Variants in SLC9A2 observed in about 807,000 individuals in gnomAD.
SLC9A2 encodes sodium/hydrogen exchanger 2.
Under a neutral mutation model 71.7 loss-of-function variants are expected in SLC9A2, and 42 were observed. That is an observed-to-expected ratio of 0.59 (90% CI 0.46 to 0.76). The LOEUF is 0.76. Among genes scored for constraint, SLC9A2 ranks in the 30% least tolerant of loss-of-function variants. The pLI, the probability that SLC9A2 is intolerant of heterozygous loss-of-function variation, is 0.00. For synonymous variants in SLC9A2, 396 were observed against 392.5 expected (o/e 1.01, Z -0.10); for missense variants, 829 against 1,017.4 (o/e 0.81, Z 2.52).
chr2:102,672,162 A>G (rs1321614199), intron 3 of SLC9A2, among the ~76,000 whole-genome samples: 4 of 152,280 alleles, frequency 2.6e-5, no homozygotes, highest in Admixed American at 2.6e-4. Context: ...GATTTTTAAG[A>G]CTGAGTAGGA....
intron 5 of SLC9A2, among the ~76,000 whole-genome samples, chr2:102,691,606 C>T (rs1274779628): frequency 1.3e-5 from 2 of 152,082 alleles, no homozygotes; most frequent in Admixed American, 6.5e-5. Context: ...TCTTATTGAG[C>T]ATGATATGAC....
At chr2:102,664,454 CA>C (rs1677099051) in intron 2 of SLC9A2, among the ~76,000 whole-genome samples, 1 of 151,390 alleles carries the variant, frequency 6.6e-6, no homozygotes, top group African/African-American at 2.4e-5. Flanking sequence ...TGCACACACA[CA>C]CACACACACA....
intron 3 of SLC9A2, among the ~76,000 whole-genome samples, chr2:102,682,014 G>A (rs1677461169): frequency 1.3e-5 from 2 of 152,164 alleles, no homozygotes; most frequent in African/African-American, 4.8e-5. Flanking sequence ...ACCACATGAT[G>A]GGAGTAGAGG....
intron 3 of SLC9A2, among the ~76,000 whole-genome samples, chr2:102,678,969 C>T (rs1286599045): frequency 6.6e-6 from 1 of 152,150 alleles, no homozygotes; most frequent in African/African-American, 2.4e-5. Flanking sequence ...GGTGGTTTGA[C>T]TTCAGGTCAG....
intron 9 of SLC9A2, among the ~76,000 whole-genome samples, chr2:102,704,312 AAAAAAAAGAAAAAT>A (rs1373528175): frequency 6.6e-6 from 1 of 151,342 alleles, no homozygotes; most frequent in Non-Finnish European, 1.5e-5. Flanking sequence ...CCCCAACTCT[AAAAAAAAGAAAAAT>A]AAAAAAACAC....
In SLC9A2 at chr2:102,709,545, T is replaced by C. The variant is rs1311345019; in HGVS notation, c.*1056T>C. On this transcript the variant is annotated 3_prime_UTR_variant, in exon 12 of 12. Transcript: ENST00000233969. ...ACACAATATTCTAACATTGCACAAG[T>C]TGATGAGATATCAAGTTTTGAATAT... 3 of 152,754 alleles carry C rather than the reference T, an allele frequency of 2.0e-5. No individual in the cohort carries two copies. Among genetic ancestry groups the C allele is most frequent in the Non-Finnish European group, 2.9e-5 (2 of 68,036 alleles). The allele number at this position is 152,754 out of a possible 1,614,324, so 9.5% of individuals were successfully genotyped here.
chr2:102,707,894 A>G lies in SLC9A2; in HGVS notation c.2069-225A>G, dbSNP rs150207634. ...CTTAGGACAGTGCCTGGCACACAGT[A>G]AGTTCTTCAAAGTTAGCATGAATAT... On this transcript the variant is annotated intron_variant, in intron 11 of 11. Transcript: ENST00000233969. Among the ~76,000 whole-genome samples the G allele has an allele frequency of 5.0e-3, 767 of 152,324 alleles. 2 individuals are homozygous for G. Among genetic ancestry groups the G allele is most frequent in the Admixed American group, 7.7e-3 (118 of 15,304 alleles).
intron 1 of SLC9A2, among the ~76,000 whole-genome samples, chr2:102,646,768 A>AT (rs1676731084): frequency 2.6e-4 from 35 of 132,976 alleles, no homozygotes; most frequent in African/African-American, 9.0e-4. Context: ...AACGATCCTA[A>AT]ATATATATAT....
chr2:102,668,466 A>G (rs1322208963), intron 3 of SLC9A2, among the ~76,000 whole-genome samples: 4 of 152,218 alleles, frequency 2.6e-5, no homozygotes, highest in Non-Finnish European at 5.9e-5. Flanking sequence ...GCATATCTAC[A>G]CACACGCCTT....
rs542188014 is a variant in SLC9A2 at position 102,708,586 on chromosome 2, C to T, written c.*97C>T. The T allele has an allele frequency of 1.4e-6, 2 of 1,391,594 alleles. No homozygotes were observed. Among genetic ancestry groups the T allele is most frequent in the Non-Finnish European group, 2.0e-6 (2 of 1,020,844 alleles). 86.2% of individuals were successfully genotyped at this position (1,391,594 alleles called of 1,614,324 possible). A position where few individuals can be genotyped will look rare whatever the true frequency, so the allele number is the denominator to read the frequency against. Reference sequence around the variant, plus strand: ...AACAGTGGAATCCATGTAAAACTCTCTGTGCATCTAAATACTTCTGGAGGG... The same window carrying T: ...AACAGTGGAATCCATGTAAAACTCTTTGTGCATCTAAATACTTCTGGAGGG... On this transcript the variant is annotated 3_prime_UTR_variant, in exon 12 of 12. Transcript: ENST00000233969.
intron 5 of SLC9A2, among the ~76,000 whole-genome samples, chr2:102,685,320 C>G (rs537500006): frequency 6.6e-6 from 1 of 152,190 alleles, no homozygotes; most frequent in Non-Finnish European, 1.5e-5. Flanking sequence ...TGGAGTCCTA[C>G]ATCATGCAGG....
chr2:102,629,167 G>A (rs1044553229), intron 1 of SLC9A2, among the ~76,000 whole-genome samples: 3 of 151,930 alleles, frequency 2.0e-5, no homozygotes, highest in African/African-American at 7.3e-5. Flanking sequence ...AAATTGTGAT[G>A]TCAATTACCA....
Position 102,620,054 on chromosome 2 carries a change from C to CTGTG in SLC9A2, c.208_211dup (p.Phe71CysfsTer41). ...ACGCTGTTCGAGGAGAGCCGGCTGCCTGTGTTTACGCTGGATTACCCCCAC... is the reference window on the plus strand; with the variant it reads ...ACGCTGTTCGAGGAGAGCCGGCTGCCTGTGTGTGTTTACGCTGGATTACCCCCAC... On this transcript the variant is annotated frameshift_variant, in exon 1 of 12. Coordinates refer to ENST00000233969, the MANE Select transcript of SLC9A2 (RefSeq NM_003048.6). LOFTEE classifies it high-confidence loss of function. 1 of 1,614,112 alleles carries CTGTG rather than the reference C, an allele frequency of 6.2e-7. No homozygotes were observed. The highest frequency in any genetic ancestry group is 1.1e-5 in the South Asian group (1 of 91,058).
intron 1 of SLC9A2, among the ~76,000 whole-genome samples, chr2:102,624,399 C>T (rs146521810): frequency 5.3e-5 from 8 of 152,234 alleles, no homozygotes; most frequent in East Asian, 1.9e-4. Context: ...TGGGGTTCTA[C>T]GACCTGGAAT....
At chr2:102,666,280 C>G (rs1677139525) in intron 3 of SLC9A2, among the ~76,000 whole-genome samples, 1 of 149,516 alleles carries the variant, frequency 6.7e-6, no homozygotes, top group South Asian at 2.1e-4. Flanking sequence ...ACTGCAAGCT[C>G]CGCCTCCCGG....
chr2:102,638,894 T>C (rs912015393), intron 1 of SLC9A2, among the ~76,000 whole-genome samples: 2 of 152,186 alleles, frequency 1.3e-5, no homozygotes, highest in Non-Finnish European at 2.9e-5. Context: ...GAACATTACT[T>C]CAAATAAATC....
intron 1 of SLC9A2, among the ~76,000 whole-genome samples, chr2:102,647,089 G>T (rs1339187971): frequency 6.6e-6 from 1 of 152,054 alleles, no homozygotes; most frequent in Non-Finnish European, 1.5e-5. Flanking sequence ...AAATGCAAAA[G>T]AATGGAAATC....
intron 1 of SLC9A2, among the ~76,000 whole-genome samples, chr2:102,634,879 C>T (rs774103801): frequency 2.0e-5 from 3 of 152,104 alleles, no homozygotes; most frequent in Non-Finnish European, 4.4e-5. Context: ...TCAGCTGAGA[C>T]TCCCTATAAG....
In SLC9A2 at chr2:102,619,788, C is replaced by G. The variant is rs1234233443; in HGVS notation, c.-61C>G. 2 of 1,410,158 alleles carry G rather than the reference C, an allele frequency of 1.4e-6. No homozygotes were observed. Among genetic ancestry groups the G allele is most frequent in the Non-Finnish European group, 1.9e-6 (2 of 1,074,336 alleles). The allele number at this position is 1,410,158 out of a possible 1,614,324, so 87.4% of individuals were successfully genotyped here. ...CGGAGCGGGCTGAGCAGCCCGGGCG[C>G]GATGCGTTGAGCGCTCGGAGGGCCA... On this transcript the variant is annotated 5_prime_UTR_variant, in exon 1 of 12. Coordinates refer to ENST00000233969, the MANE Select transcript of SLC9A2 (RefSeq NM_003048.6). This position sits in a 1 kb window ranked among gnomAD's most constrained non-coding sequence, Gnocchi z 4.3.
Sources: allele counts gnomAD v4.1 joint callset (sites outside exome capture counted in the v4.1 genomes callset), GRCh38; gene constraint gnomAD v4.1.1; non-coding constraint Gnocchi (gnomAD v3.1); transcripts MANE v1.5; gene names NCBI Gene and HGNC (gene_info 2026-07-23, HGNC 2026-07-21).